PDE1C: variants seen among roughly 807,000 people sequenced by gnomAD.
PDE1C encodes phosphodiesterase 1C.
In PDE1C, 62 loss-of-function variants were observed where a neutral mutation model predicts 93.1. The observed-to-expected ratio is 0.67, with a 90% CI of 0.54 to 0.82. PDE1C has a LOEUF of 0.82. Among genes scored for constraint, PDE1C ranks in the 40% least tolerant of loss-of-function variants. The probability of loss-of-function intolerance (pLI) is 0.00; values close to 1 mark genes in which losing one functional copy is unlikely to be tolerated. For missense variants in PDE1C, 742 were observed against 884.6 expected (o/e 0.84, Z 2.04); for synonymous variants, 325 against 310.1 (o/e 1.05, Z -0.50).
chr7:32,325,846 G>T, intron 1 of PDE1C, among the ~76,000 whole-genome samples: 1 of 152,170 alleles, frequency 6.6e-6, no homozygotes, highest in East Asian at 1.9e-4. Flanking sequence ...ACATTGGAGG[G>T]TTCTGAGCCC....
chr7:31,676,613 G>C, the PDE1C span, among the ~76,000 whole-genome samples: 2 of 152,042 alleles, frequency 1.3e-5, no homozygotes, highest in Non-Finnish European at 2.9e-5. Context: ...GTGTGGGTGT[G>C]TGTGTATAAT....
At chr7:31,914,730 A>T (rs1801663691) in intron 2 of PDE1C, among the ~76,000 whole-genome samples, 1 of 152,216 alleles carries the variant, frequency 6.6e-6, no homozygotes, top group Admixed American at 6.5e-5. Flanking sequence ...TTATAACATG[A>T]TTATCTTGAA....
intron 2 of PDE1C, among the ~76,000 whole-genome samples, chr7:32,047,284 A>G (rs1302678368): frequency 6.6e-6 from 1 of 152,184 alleles, no homozygotes; most frequent in Non-Finnish European, 1.5e-5. Flanking sequence ...ATGAGTAAGC[A>G]GGTTTACAGC....
intron 15 of PDE1C, among the ~76,000 whole-genome samples, chr7:31,815,646 T>C (rs4720046): frequency 0.76 from 116,114 of 152,110 alleles, 44,448 homozygotes; most frequent in East Asian, 0.83. Flanking sequence ...ATGGTAATTT[T>C]CCCCCAGCTG....
At chr7:32,298,795 A>C (rs1812792789) in exon 1 of PDE1C, 1 of 1,535,498 alleles carries the variant, frequency 6.5e-7, no homozygotes, top group Middle Eastern at 2.0e-4. Context: ...GGTCCCCCCC[A>C]CGGCGGAGTG....
chr7:31,775,724 G>GT lies in PDE1C; in HGVS notation c.1899dup (p.Gln634ThrfsTer30), dbSNP rs765475183. The GT allele has an allele frequency of 5.6e-6, 9 of 1,612,782 alleles. No homozygotes were observed. The East Asian group carries it at 2.0e-4, about 36-fold the overall frequency. On this transcript the variant is annotated frameshift_variant, in exon 17 of 18. Transcript: ENST00000396191. LOFTEE classifies it high-confidence loss of function. ...GGGGCTGGTGAGCCGTGAGAACGCT[G>GT]TTTTGTGCCTGTGAAGAGGAAAAAG...
chr7:31,790,297 T>G, intron 16 of PDE1C: 1 of 1,576,734 alleles, frequency 6.3e-7, no homozygotes, highest in African/African-American at 1.3e-5. Context: ...GTGTCAATGC[T>G]GCCTTTCCCC....
At chr7:31,776,864 A>G (rs937227107) in intron 16 of PDE1C, among the ~76,000 whole-genome samples, 6 of 151,880 alleles carry the variant, frequency 4.0e-5, no homozygotes, top group Non-Finnish European at 5.9e-5. Flanking sequence ...AGTCCCCACA[A>G]ACTTCCCAAA....
At chr7:31,761,808 A>G (rs17483922) in intron 17 of PDE1C, among the ~76,000 whole-genome samples, 19,837 of 152,198 alleles carry the variant, frequency 0.13, 1,613 homozygotes, top group Non-Finnish European at 0.18. Flanking sequence ...TTCATCTTCC[A>G]TGAGCTATTT....
chr7:31,804,622 AT>A (rs1786555106), intron 16 of PDE1C, among the ~76,000 whole-genome samples: 1 of 151,738 alleles, frequency 6.6e-6, no homozygotes, highest in Admixed American at 6.6e-5. Flanking sequence ...CCTCAGTATA[AT>A]TTTTTTTCTT....
chr7:32,274,428 C>G (rs76180342), intron 1 of PDE1C, among the ~76,000 whole-genome samples: 2,394 of 149,110 alleles, frequency 0.016, 61 homozygotes, highest in African/African-American at 0.055. Flanking sequence ...AGGCTGGTCT[C>G]AACTCCTAGG....
At chr7:32,113,236 A>ATATATATATATATATATATATAT (rs1798774591) in intron 3 of PDE1C, among the ~76,000 whole-genome samples, 1 of 94,020 alleles carries the variant, frequency 1.1e-5, no homozygotes, top group Non-Finnish European at 2.0e-5. Flanking sequence ...ATTGTCCTTA[A>ATATATATATATATATATATATAT]ATATATATAT....
intron 2 of PDE1C, among the ~76,000 whole-genome samples, chr7:32,016,233 A>G (rs1226951835): frequency 2.0e-5 from 3 of 152,236 alleles, no homozygotes; most frequent in Non-Finnish European, 2.9e-5. Flanking sequence ...TGCCAGACCT[A>G]TAACACTGCC....
At chr7:31,699,693 C>A in the PDE1C span, among the ~76,000 whole-genome samples, 6 of 151,646 alleles carry the variant, frequency 4.0e-5, no homozygotes, top group Non-Finnish European at 7.4e-5. Flanking sequence ...TCTAGCAAGT[C>A]TATTTTTCCA....
intron 7 of PDE1C, among the ~76,000 whole-genome samples, chr7:31,851,322 T>C (rs1366504862): frequency 6.6e-6 from 1 of 152,202 alleles, no homozygotes; most frequent in Non-Finnish European, 1.5e-5. Context: ...TCCTTGGACA[T>C]GCAGATGGTG....
intron 1 of PDE1C, among the ~76,000 whole-genome samples, chr7:32,253,541 T>G (rs1809547503): frequency 6.6e-6 from 1 of 152,228 alleles, no homozygotes; most frequent in African/African-American, 2.4e-5. Context: ...CTCATCTCTC[T>G]TAAATGGATG....
At chr7:31,970,051 G>C (rs1292009546) in intron 2 of PDE1C, among the ~76,000 whole-genome samples, 1 of 152,140 alleles carries the variant, frequency 6.6e-6, no homozygotes, top group Non-Finnish European at 1.5e-5. Flanking sequence ...TAAATGACAA[G>C]TTAATGGGTG....
the PDE1C span, among the ~76,000 whole-genome samples, chr7:31,739,200 GACAC>G: frequency 7.2e-3 from 1,036 of 143,136 alleles, 5 homozygotes; most frequent in South Asian, 0.014. Context: ...GTAACTTTTA[GACAC>G]ACACACACAC....
chr7:32,319,875 C>T (rs992961755), intron 1 of PDE1C, among the ~76,000 whole-genome samples: 16 of 152,264 alleles, frequency 1.1e-4, no homozygotes, highest in African/African-American at 3.1e-4. Context: ...AAAGTATTTT[C>T]CCTCTGTTTT....
Sources: allele counts gnomAD v4.1 joint callset (sites outside exome capture counted in the v4.1 genomes callset), GRCh38; gene constraint gnomAD v4.1.1; transcripts MANE v1.5; gene names NCBI Gene and HGNC (gene_info 2026-07-23, HGNC 2026-07-21).